SIRT4: variants seen among roughly 807,000 people sequenced by gnomAD.
SIRT4 encodes NAD-dependent protein lipoamidase sirtuin-4, mitochondrial.
A neutral mutation model predicts 26.1 loss-of-function variants in SIRT4; 23 were observed. That is an observed-to-expected ratio of 0.88 (90% CI 0.63 to 1.25). The LOEUF is 1.25. Ranked by LOEUF, SIRT4 falls within the 50% of genes most tolerant of loss-of-function variation. The pLI is 0.00. For synonymous variants in SIRT4, 155 were observed against 158.4 expected (o/e 0.98, Z 0.16); for missense variants, 361 against 405.4 (o/e 0.89, Z 0.94).
intron 1 of SIRT4, 50 bp from the exon 2 acceptor site, chr12:120,303,511 A>AG: frequency 9.9e-7 from 1 of 1,006,554 alleles, no homozygotes; most frequent in African/African-American, 1.8e-5. Context: ...AAAAAATGAG[A>AG]AAAAAAAAAA....
At chr12:120,307,780 C>T (rs567064529) in intron 2 of SIRT4, among the ~76,000 whole-genome samples, 4 of 152,122 alleles carry the variant, frequency 2.6e-5, no homozygotes, top group African/African-American at 7.2e-5. Context: ...ATCATTTGAA[C>T]CCGGGAGGCA....
chr12:120,309,816 A>G (rs968752973), intron 2 of SIRT4, among the ~76,000 whole-genome samples: 1 of 150,584 alleles, frequency 6.6e-6, no homozygotes, highest in Non-Finnish European at 1.5e-5. Flanking sequence ...CCTGGGTTCA[A>G]GCAATTCTCC....
chr12:120,301,075 A>G (rs547017144), upstream of SIRT4, among the ~76,000 whole-genome samples: 3 of 152,336 alleles, frequency 2.0e-5, no homozygotes, highest in East Asian at 5.8e-4. Flanking sequence ...GGCTGGGCAC[A>G]GTGGCTTACG....
chr12:120,308,357 G>C (rs1331836225), intron 2 of SIRT4, among the ~76,000 whole-genome samples: 1 of 151,818 alleles, frequency 6.6e-6, no homozygotes, highest in Non-Finnish European at 1.5e-5. Flanking sequence ...TTGTAGTAGA[G>C]GTAGGGTTTC....
chr12:120,308,707 C>G (rs1014672110), intron 2 of SIRT4, among the ~76,000 whole-genome samples: 2 of 152,002 alleles, frequency 1.3e-5, no homozygotes, highest in Admixed American at 1.3e-4. Context: ...CTGTGAGACA[C>G]CAAAGGGGTT....
chr12:120,292,158 G>A, the SIRT4 span, among the ~76,000 whole-genome samples: 1 of 152,208 alleles, frequency 6.6e-6, no homozygotes, highest in African/African-American at 2.4e-5. Flanking sequence ...GAGATGACTC[G>A]GTTGAGACTT....
At chr12:120,300,369 A>G (rs1872499668), upstream of SIRT4, among the ~76,000 whole-genome samples, 1 of 152,104 alleles carries the variant, frequency 6.6e-6, no homozygotes, top group African/African-American at 2.4e-5. Context: ...CAAAGATACA[A>G]TGATAGAACC....
the SIRT4 span, among the ~76,000 whole-genome samples, chr12:120,293,794 C>T: frequency 6.6e-6 from 1 of 152,050 alleles, no homozygotes; most frequent in Non-Finnish European, 1.5e-5. Context: ...TTCCCTTCTC[C>T]TCCAGCCCCC....
intron 2 of SIRT4, among the ~76,000 whole-genome samples, chr12:120,311,990 G>A (rs1010128347): frequency 6.6e-6 from 1 of 151,720 alleles, no homozygotes; most frequent in African/African-American, 2.4e-5. Flanking sequence ...TGTATAGGAA[G>A]GAAATTGATG....
At chr12:120,303,099 T>G (rs1022845524) in intron 1 of SIRT4, among the ~76,000 whole-genome samples, 2 of 151,670 alleles carry the variant, frequency 1.3e-5, no homozygotes, top group African/African-American at 4.8e-5. Flanking sequence ...GAGCTTGCAG[T>G]GGAGGGTAAA....
Position 120,307,433 on chromosome 12 carries a change from G to A in SIRT4, c.497+3375G>A, listed in dbSNP as rs1412764535. ...GAACATGGGTGGCAGAGGTTGCAGT[G>A]AGCCAAGATCGTGCCATTGCACTCC... On this transcript the variant is annotated intron_variant, in intron 2 of 3. Coordinates refer to ENST00000202967, the MANE Select transcript of SIRT4 (RefSeq NM_012240.3). Among the ~76,000 whole-genome samples, 13 of 152,266 alleles carry A rather than the reference G, an allele frequency of 8.5e-5. No individual in the cohort carries two copies. The East Asian group carries it at 1.7e-3, about 20-fold the overall frequency.
the SIRT4 span, among the ~76,000 whole-genome samples, chr12:120,297,257 C>G: frequency 5.4e-5 from 7 of 129,970 alleles, no homozygotes; most frequent in Non-Finnish European, 1.1e-4. Context: ...TACATACATA[C>G]ATACATAAAA....
At position 120,304,001 on chromosome 12, in the gene SIRT4, C is replaced by T. The variant is rs1439113134; in HGVS notation, c.440C>T (p.Ala147Val). Residue 147 changes from alanine to valine, a missense_variant, in exon 2 of 4, where the codon GCT becomes GTT. Coordinates refer to ENST00000202967, the MANE Select transcript of SIRT4 (RefSeq NM_012240.3). ...LYWLVTQNVD[A>V]LHTKAGSRRL... ...TGGTTGGTGACCCAAAATGTGGATG[C>T]TTTGCACACCAAGGCGGGGAGTCGG... 1 of 1,613,726 alleles carries T rather than the reference C, an allele frequency of 6.2e-7. No homozygotes were observed. Among genetic ancestry groups the T allele is most frequent in the Non-Finnish European group, 8.5e-7 (1 of 1,180,038 alleles).
At chr12:120,302,002 C>A (rs1217160267), upstream of SIRT4, among the ~76,000 whole-genome samples, 4 of 141,340 alleles carry the variant, frequency 2.8e-5, no homozygotes, top group African/African-American at 1.1e-4. Flanking sequence ...GAGCCGAGAT[C>A]GTGCCACTGC....
the SIRT4 span, among the ~76,000 whole-genome samples, chr12:120,292,918 TCATAAACGCAAATCACTA>T: frequency 6.6e-6 from 1 of 152,222 alleles, no homozygotes; most frequent in Non-Finnish European, 1.5e-5. Context: ...ACTCCAACTT[TCATAAACGCAAATCACTA>T]AAACAGGTAA....
the SIRT4 span, among the ~76,000 whole-genome samples, chr12:120,296,888 A>T: frequency 6.6e-6 from 1 of 152,098 alleles, no homozygotes; most frequent in South Asian, 2.1e-4. Flanking sequence ...TTGATCATCC[A>T]GTCAAGGATT....
At chr12:120,310,987 G>T (rs1157833257) in intron 2 of SIRT4, among the ~76,000 whole-genome samples, 1 of 139,564 alleles carries the variant, frequency 7.2e-6, no homozygotes, top group African/African-American at 2.6e-5. Flanking sequence ...CGCCCGCCTC[G>T]GCCTCCCAAA....
upstream of SIRT4, chr12:120,302,188 A>G (rs563179521): frequency 6.6e-6 from 1 of 152,294 alleles, no homozygotes; most frequent in South Asian, 2.1e-4. Context: ...TAACGGGGGA[A>G]CCTCTGACCA....
At chr12:120,296,752 C>T in the SIRT4 span, among the ~76,000 whole-genome samples, 2 of 151,480 alleles carry the variant, frequency 1.3e-5, no homozygotes, top group Non-Finnish European at 2.9e-5. Flanking sequence ...TCAAGTGATC[C>T]GCCCGCCTCG....
Sources: allele counts gnomAD v4.1 joint callset (sites outside exome capture counted in the v4.1 genomes callset), GRCh38; gene constraint gnomAD v4.1.1; transcripts MANE v1.5; gene names NCBI Gene and HGNC (gene_info 2026-07-23, HGNC 2026-07-21).